The following ITPR2 variants were observed in gnomAD, a reference collection of about 807,000 sequenced individuals.
The protein encoded by ITPR2 is inositol 1,4,5-trisphosphate receptor type 2.
Under a neutral mutation model 317.1 loss-of-function variants are expected in ITPR2, and 207 were observed. The observed-to-expected ratio is 0.65, with a 90% confidence interval of 0.58 to 0.73. ITPR2 has a LOEUF of 0.73. ITPR2 is among the 30% of genes least tolerant of loss of function. The probability of loss-of-function intolerance (pLI) is 0.00; values close to 1 mark genes in which losing one functional copy is unlikely to be tolerated. For missense variants in ITPR2, 2,613 were observed against 3,284.0 expected (o/e 0.80, Z 4.99); for synonymous variants, 1,156 against 1,149.1 (o/e 1.01, Z -0.12).
At chr12:26,759,344 C>G (rs1045630837) in intron 2 of ITPR2, among the ~76,000 whole-genome samples, 4 of 152,116 alleles carry the variant, frequency 2.6e-5, no homozygotes, top group African/African-American at 7.2e-5. Flanking sequence ...GTAAATCAAA[C>G]AACATATGAC....
chr12:26,445,648 T>A (rs1436998547), intron 45 of ITPR2, among the ~76,000 whole-genome samples: 1 of 152,024 alleles, frequency 6.6e-6, no homozygotes, highest in East Asian at 1.9e-4. Context: ...TGTCATTTGG[T>A]TTAGCAACTC....
chr12:26,629,070 C>T (rs2136826552), intron 22 of ITPR2, among the ~76,000 whole-genome samples: 1 of 152,276 alleles, frequency 6.6e-6, no homozygotes, highest in South Asian at 2.1e-4. Flanking sequence ...ACAATGTGGT[C>T]ACCCAAGTTT....
At chr12:26,524,814 T>G (rs1299972327) in intron 37 of ITPR2, among the ~76,000 whole-genome samples, 1 of 152,202 alleles carries the variant, frequency 6.6e-6, no homozygotes, top group Non-Finnish European at 1.5e-5. Flanking sequence ...GCAGTTAAAA[T>G]TAAGCAGGTT....
chr12:26,644,135 G>A (rs1947056721), intron 21 of ITPR2, among the ~76,000 whole-genome samples: 1 of 152,132 alleles, frequency 6.6e-6, no homozygotes, highest in Admixed American at 6.5e-5. Flanking sequence ...CACAGGCCCA[G>A]AATATAAGGA....
chr12:26,695,550 A>G, intron 10 of ITPR2, 56 bp downstream of exon 10: 3 of 1,411,846 alleles, frequency 2.1e-6, no homozygotes, highest in South Asian at 1.2e-5. Flanking sequence ...CAATCTATCC[A>G]TATAAAATAA....
At position 26,632,052 on chromosome 12, in the gene ITPR2, A is replaced by G. The variant is rs754832590; in HGVS notation, c.2748T>C (p.Asn916=). The G allele has an allele frequency of 5.2e-6, 8 of 1,543,424 alleles. No homozygotes were observed. The South Asian group carries it at 1.0e-4, about 20-fold the overall frequency. Residue 916 remains asparagine (N), a synonymous_variant, in exon 22 of 57, where the codon AAT becomes AAC. Coordinates refer to ENST00000381340, the MANE Select transcript of ITPR2 (RefSeq NM_002223.4). ...RLSKFQDGGN[N]VMRTIHGVGE... is the part of the protein sequence containing the mutation. ...CCACCCCATGAATGGTTCTCATCAC[A>G]TTGTTTCCTGGCATGAGAAAATGCC...
chr12:26,517,203 G>A (rs1246247083), intron 37 of ITPR2, among the ~76,000 whole-genome samples: 1 of 152,090 alleles, frequency 6.6e-6, no homozygotes, highest in Non-Finnish European at 1.5e-5. Flanking sequence ...GATGCTATGG[G>A]ATGCAACTAA....
intron 32 of ITPR2, among the ~76,000 whole-genome samples, chr12:26,591,739 G>A (rs531039489): frequency 6.6e-6 from 1 of 151,830 alleles, no homozygotes; most frequent in East Asian, 1.9e-4. Context: ...TCGAGAGGCT[G>A]AGGCAGGAGA....
chr12:26,831,717 TA>T lies in ITPR2; in HGVS notation c.92+972del, dbSNP rs1306612830. On this transcript the variant is annotated intron_variant, in intron 1 of 56. Transcript: ENST00000381340. This position sits in a 1 kb window ranked among gnomAD's most constrained non-coding sequence, Gnocchi z 4.9. Reference sequence around the variant, plus strand: ...ATTCTACATAAAATATATAAATATATATTCTACATAAAATATATAAATATAT... The same window carrying T: ...ATTCTACATAAAATATATAAATATATTTCTACATAAAATATATAAATATAT... Among the ~76,000 whole-genome samples the T allele has an allele frequency of 3.3e-4, 42 of 127,330 alleles. No individual in the cohort carries two copies. Among genetic ancestry groups the T allele is most frequent in the Non-Finnish European group, 5.8e-4 (33 of 56,838 alleles). The allele number at this position is 127,330 out of a possible 152,430, so 83.5% of individuals were successfully genotyped here.
At chr12:26,543,063 G>GTAATA in intron 37 of ITPR2, among the ~76,000 whole-genome samples, 1 of 152,204 alleles carries the variant, frequency 6.6e-6, no homozygotes, top group South Asian at 2.1e-4. Context: ...AACTTGTAAT[G>GTAATA]CTCTATAAAT....
intron 2 of ITPR2, among the ~76,000 whole-genome samples, chr12:26,787,264 C>T (rs566244324): frequency 3.3e-5 from 5 of 152,280 alleles, no homozygotes; most frequent in African/African-American, 1.2e-4. Context: ...AGGAAAGAAC[C>T]CTCCTTTTCC....
intron 49 of ITPR2, among the ~76,000 whole-genome samples, chr12:26,420,391 G>A (rs4963994): frequency 0.13 from 19,517 of 152,088 alleles, 1,924 homozygotes; most frequent in East Asian, 0.37. Flanking sequence ...ACAAATTATC[G>A]AATGATTTTT....
intron 32 of ITPR2, among the ~76,000 whole-genome samples, chr12:26,580,669 A>G (rs1945383694): frequency 6.6e-6 from 1 of 152,174 alleles, no homozygotes; most frequent in South Asian, 2.1e-4. Flanking sequence ...ACCCTTCCCA[A>G]TAATTTTGAT....
intron 37 of ITPR2, among the ~76,000 whole-genome samples, chr12:26,511,603 C>A (rs1943348445): frequency 6.6e-6 from 1 of 152,056 alleles, no homozygotes. Context: ...CCATAATTTC[C>A]TAATAGATTT....
intron 31 of ITPR2, among the ~76,000 whole-genome samples, chr12:26,595,885 T>C (rs1283081345): frequency 6.6e-6 from 1 of 152,160 alleles, no homozygotes; most frequent in Non-Finnish European, 1.5e-5. Context: ...CAACCTCTCC[T>C]TCCTCTCCTT....
chr12:26,622,179 G>T, intron 25 of ITPR2, 61 bp downstream of exon 25: 1 of 1,458,722 alleles, frequency 6.9e-7, no homozygotes, highest in Non-Finnish European at 9.3e-7. Context: ...AAGTCAGGTT[G>T]GATGTTATTA....
intron 21 of ITPR2, among the ~76,000 whole-genome samples, chr12:26,647,295 T>A (rs1947134643): frequency 6.6e-6 from 1 of 152,218 alleles, no homozygotes; most frequent in Non-Finnish European, 1.5e-5. Context: ...GAGATGATAC[T>A]CGAATGATTC....
At chr12:26,409,551 A>C (rs1010072251) in intron 52 of ITPR2, among the ~76,000 whole-genome samples, 4 of 152,212 alleles carry the variant, frequency 2.6e-5, no homozygotes, top group Non-Finnish European at 5.9e-5. Context: ...TTCTGTAGCC[A>C]GATGCCAACT....
chr12:26,568,721 T>C (rs567080049), intron 34 of ITPR2, among the ~76,000 whole-genome samples: 2 of 152,132 alleles, frequency 1.3e-5, no homozygotes, highest in South Asian at 2.1e-4. Context: ...GAAAACCTGG[T>C]TGGTTGTCAA....
Sources: allele counts gnomAD v4.1 joint callset (sites outside exome capture counted in the v4.1 genomes callset), GRCh38; gene constraint gnomAD v4.1.1; non-coding constraint Gnocchi (gnomAD v3.1); transcripts MANE v1.5; gene names NCBI Gene and HGNC (gene_info 2026-07-23, HGNC 2026-07-21).